The following RBM20 variants were observed in gnomAD, a reference collection of about 807,000 sequenced individuals.
RBM20 encodes the protein RNA binding motif protein 20.
Under a neutral mutation model 110.1 loss-of-function variants are expected in RBM20, and 51 were observed. That is an observed-to-expected ratio of 0.46 (90% confidence interval 0.37 to 0.59). The LOEUF (loss-of-function observed/expected upper bound fraction) is 0.59, where lower values mean the gene tolerates loss of function less well. Among genes scored for constraint, RBM20 ranks in the 20% least tolerant of loss-of-function variants. RBM20 has a pLI of 0.00. For synonymous variants in RBM20, 589 were observed against 618.2 expected (o/e 0.95, Z 0.70); for missense variants, 1,512 against 1,574.9 (o/e 0.96, Z 0.68).
chr10:110,707,849 C>T (rs1046972357), intron 1 of RBM20, among the ~76,000 whole-genome samples: 16 of 151,992 alleles, frequency 1.1e-4, no homozygotes, highest in African/African-American at 2.4e-4. Context: ...CGCGGGATGA[C>T]GATAGTCAAC....
At chr10:110,737,177 C>CAATAAAAAAAAAAAAAAAAAA (rs1843679513) in intron 1 of RBM20, among the ~76,000 whole-genome samples, 1 of 26,620 alleles carries the variant, frequency 3.8e-5, no homozygotes, top group Non-Finnish European at 7.0e-5. Context: ...AACTCTGCCT[C>CAATAAAAAAAAAAAAAAAAAA]AAAAAAAAAA....
At chr10:110,680,228 TG>T (rs1479424974) in intron 1 of RBM20, among the ~76,000 whole-genome samples, 3 of 151,808 alleles carry the variant, frequency 2.0e-5, no homozygotes, top group African/African-American at 7.3e-5. Context: ...GAGTGGGTGG[TG>T]GGTTTGCTCC....
At chr10:110,703,309 C>T (rs576382307) in intron 1 of RBM20, among the ~76,000 whole-genome samples, 3 of 150,580 alleles carry the variant, frequency 2.0e-5, no homozygotes, top group African/African-American at 7.3e-5. Flanking sequence ...CCCCAGGAGG[C>T]GGAGGTTGCA....
At chr10:110,741,911 C>T (rs962910519) in intron 1 of RBM20, among the ~76,000 whole-genome samples, 10 of 152,272 alleles carry the variant, frequency 6.6e-5, no homozygotes, top group African/African-American at 1.7e-4. Context: ...GATCAGTTTA[C>T]GTGCCTGCCT....
chr10:110,686,145 G>A (rs1012117725), intron 1 of RBM20, among the ~76,000 whole-genome samples: 1 of 152,146 alleles, frequency 6.6e-6, no homozygotes, highest in African/African-American at 2.4e-5. Flanking sequence ...GGGCTCTTGT[G>A]AGGGCCCAAG....
chr10:110,702,269 G>A (rs1862770883), intron 1 of RBM20, among the ~76,000 whole-genome samples: 1 of 152,182 alleles, frequency 6.6e-6, no homozygotes, highest in Admixed American at 6.5e-5. Context: ...GCTGAGTGTG[G>A]TGGCTCACAC....
intron 1 of RBM20, among the ~76,000 whole-genome samples, chr10:110,721,481 G>A (rs933956204): frequency 5.3e-5 from 8 of 152,148 alleles, no homozygotes; most frequent in Non-Finnish European, 1.0e-4. Context: ...TTCTGCCATG[G>A]AGGGACGGGA....
intron 1 of RBM20, among the ~76,000 whole-genome samples, chr10:110,752,389 G>A (rs539268860): frequency 6.6e-6 from 1 of 152,160 alleles, no homozygotes; most frequent in South Asian, 2.1e-4. Context: ...TTTCCTTTTA[G>A]TGCTGAATAA....
chr10:110,688,570 T>C lies in RBM20; in HGVS notation c.191+43925T>C, dbSNP rs569487778. Among the ~76,000 whole-genome samples the C allele has an allele frequency of 8.5e-5, 13 of 152,332 alleles. No individual in the cohort carries two copies. The South Asian group carries it at 2.7e-3, about 32-fold the overall frequency. ...CTGAAAAGTAAAGCAGATATAGTTCTAGTTAACTGCTTGGTGCATTATCAA... is the reference window on the plus strand; with the variant it reads ...CTGAAAAGTAAAGCAGATATAGTTCCAGTTAACTGCTTGGTGCATTATCAA... On this transcript the variant is annotated intron_variant, in intron 1 of 13. Coordinates refer to ENST00000369519, the MANE Select transcript of RBM20 (RefSeq NM_001134363.3).
Position 110,704,152 on chromosome 10 carries a change from C to A in RBM20, c.191+59507C>A, listed in dbSNP as rs959469775. ...ATAAAAGCAATAATACAGTGTGTAA[C>A]CTTTTGGGACAAGCCTTTCCACTCA... On this transcript the variant is annotated intron_variant, in intron 1 of 13. Transcript: ENST00000369519. Among the ~76,000 whole-genome samples the A allele has an allele frequency of 5.6e-4, 86 of 152,240 alleles. 1 individual carries two copies. Among genetic ancestry groups the A allele is most frequent in the Admixed American group, 2.6e-3 (40 of 15,296 alleles).
At chr10:110,655,221 A>G (rs977853486) in intron 1 of RBM20, among the ~76,000 whole-genome samples, 5 of 152,236 alleles carry the variant, frequency 3.3e-5, no homozygotes, top group African/African-American at 1.2e-4. Flanking sequence ...CAAATTTAAG[A>G]CAAACTAAGC....
In RBM20 at chr10:110,781,636, C is replaced by G. The variant is rs112226602; in HGVS notation, c.1027C>G (p.His343Asp). 1.9e-6 allele frequency: 3 copies of G among 1,549,410 alleles called. No individual in the cohort carries two copies. The African/African-American group carries it at 4.1e-5, about 21-fold the overall frequency. The change falls in exon 2 of 14, where the codon CAC becomes GAC. Residue 343 changes from histidine to aspartate, a missense_variant. Transcript: ENST00000369519. ...LTAGPMWPPP[H>D]NQPYELYDPE... ...AGCAGGTCCCATGTGGCCTCCACCC[C>G]ACAACCAGCCCTATGAGCTGTACGA...
chr10:110,788,978 T>A (rs1359626039), intron 5 of RBM20, among the ~76,000 whole-genome samples: 1 of 152,206 alleles, frequency 6.6e-6, no homozygotes, highest in Admixed American at 6.5e-5. Context: ...GGAATGAAAT[T>A]CCCCGGTTGT....
intron 5 of RBM20, among the ~76,000 whole-genome samples, chr10:110,787,002 G>A (rs988135249): frequency 2.6e-5 from 4 of 152,176 alleles, no homozygotes; most frequent in Non-Finnish European, 4.4e-5. Flanking sequence ...ACCCTCCAGC[G>A]CTGCCCATTG....
At chr10:110,674,132 G>C (rs186352902) in intron 1 of RBM20, among the ~76,000 whole-genome samples, 100 of 152,256 alleles carry the variant, frequency 6.6e-4, no homozygotes, top group African/African-American at 2.2e-3. Context: ...TGTGTCAGGT[G>C]GGTGGGAAGT....
intron 5 of RBM20, among the ~76,000 whole-genome samples, chr10:110,785,724 T>G (rs760441384): frequency 5.9e-5 from 9 of 152,118 alleles, no homozygotes; most frequent in Non-Finnish European, 1.0e-4. Context: ...CATCTAGTAT[T>G]GAAACACATG....
intron 1 of RBM20, among the ~76,000 whole-genome samples, chr10:110,667,301 C>T (rs1175552265): frequency 1.3e-5 from 2 of 152,230 alleles, no homozygotes; most frequent in East Asian, 3.8e-4. Flanking sequence ...CCACTGAACC[C>T]CATGATATTC....
At chr10:110,731,878 T>C (rs1054256646) in intron 1 of RBM20, among the ~76,000 whole-genome samples, 1 of 152,214 alleles carries the variant, frequency 6.6e-6, no homozygotes, top group African/African-American at 2.4e-5. Context: ...TGTAGTAAGA[T>C]TCGAGGTATA....
chr10:110,796,561 C>A (rs1844553016), intron 5 of RBM20, among the ~76,000 whole-genome samples: 1 of 152,118 alleles, frequency 6.6e-6, no homozygotes. Flanking sequence ...CTGGGCAATA[C>A]AGCAAGACCC....
Sources: allele counts gnomAD v4.1 joint callset (sites outside exome capture counted in the v4.1 genomes callset), GRCh38; gene constraint gnomAD v4.1.1; transcripts MANE v1.5; gene names NCBI Gene and HGNC (gene_info 2026-07-23, HGNC 2026-07-21).